HS6ST3: variants seen among roughly 807,000 people sequenced by gnomAD.
HS6ST3 encodes heparan-sulfate 6-O-sulfotransferase 3.
Under a neutral mutation model 36.7 loss-of-function variants are expected in HS6ST3, and 12 were observed. The observed-to-expected ratio is 0.33, with a 90% CI of 0.21 to 0.53. The LOEUF is 0.53. Among genes scored for constraint, HS6ST3 ranks in the 20% least tolerant of loss-of-function variants. HS6ST3 has a pLI of 0.95. For synonymous variants in HS6ST3, 240 were observed against 257.5 expected (o/e 0.93, Z 0.65); for missense variants, 584 against 640.9 (o/e 0.91, Z 0.96).
At chr13:96,506,490 G>T (rs938051098) in intron 1 of HS6ST3, among the ~76,000 whole-genome samples, 3 of 152,146 alleles carry the variant, frequency 2.0e-5, no homozygotes, top group African/African-American at 7.2e-5. Flanking sequence ...AGTTGCAGCT[G>T]CCATTAATTC....
At chr13:96,793,599 T>C (rs1877842507) in intron 1 of HS6ST3, among the ~76,000 whole-genome samples, 1 of 152,114 alleles carries the variant, frequency 6.6e-6, no homozygotes, top group Non-Finnish European at 1.5e-5. Context: ...ACGTTATTTC[T>C]CTGCATCCCA....
chr13:96,485,142 T>G (rs2055907772), intron 1 of HS6ST3, among the ~76,000 whole-genome samples: 1 of 152,174 alleles, frequency 6.6e-6, no homozygotes. Context: ...GGATTTTGAT[T>G]GGGATAGCAT....
At chr13:96,335,519 G>C (rs2055096181) in intron 1 of HS6ST3, among the ~76,000 whole-genome samples, 1 of 152,124 alleles carries the variant, frequency 6.6e-6, no homozygotes, top group African/African-American at 2.4e-5. Flanking sequence ...TGGTTATTTG[G>C]TACCTCTGTA....
intron 1 of HS6ST3, among the ~76,000 whole-genome samples, chr13:96,557,094 C>A (rs1376317663): frequency 6.6e-6 from 1 of 152,142 alleles, no homozygotes; most frequent in Non-Finnish European, 1.5e-5. Flanking sequence ...AACAGCCAGT[C>A]CAGCTGTTCA....
chr13:96,458,798 G>T (rs1368225774), intron 1 of HS6ST3, among the ~76,000 whole-genome samples: 1 of 152,028 alleles, frequency 6.6e-6, no homozygotes, highest in Non-Finnish European at 1.5e-5. Context: ...AAATGAAGAG[G>T]TTTGTAAGAA....
intron 1 of HS6ST3, among the ~76,000 whole-genome samples, chr13:96,327,787 C>T (rs1406246407): frequency 3.3e-5 from 5 of 151,692 alleles, no homozygotes; most frequent in African/African-American, 4.8e-5. Flanking sequence ...GCCATTTTCA[C>T]GATATTGATT....
At chr13:96,762,498 T>C (rs1876994926) in intron 1 of HS6ST3, among the ~76,000 whole-genome samples, 1 of 151,996 alleles carries the variant, frequency 6.6e-6, no homozygotes, top group Non-Finnish European at 1.5e-5. Context: ...AAACAAAAAA[T>C]GCTCTAAATA....
intron 1 of HS6ST3, among the ~76,000 whole-genome samples, chr13:96,492,552 C>G (rs1241073041): frequency 6.6e-6 from 1 of 152,204 alleles, no homozygotes; most frequent in Non-Finnish European, 1.5e-5. Context: ...AAATGTAGCC[C>G]CAGTGTCTGC....
At chr13:96,298,863 A>G (rs2054867976) in intron 1 of HS6ST3, among the ~76,000 whole-genome samples, 1 of 152,186 alleles carries the variant, frequency 6.6e-6, no homozygotes, top group Non-Finnish European at 1.5e-5. Context: ...AGTGGAAGAA[A>G]TTTTATATTG....
intron 1 of HS6ST3, among the ~76,000 whole-genome samples, chr13:96,699,811 C>G (rs1313072439): frequency 3.9e-5 from 6 of 152,228 alleles, no homozygotes; most frequent in Non-Finnish European, 8.8e-5. Flanking sequence ...TATTGCGGCA[C>G]TATTCACAAT....
At chr13:96,327,030 G>GT (rs1443164414) in intron 1 of HS6ST3, among the ~76,000 whole-genome samples, 1 of 139,644 alleles carries the variant, frequency 7.2e-6, no homozygotes, top group Non-Finnish European at 1.6e-5. Flanking sequence ...GGGGTTGTTT[G>GT]TTTTTTTCTT....
At chr13:96,752,349 G>A (rs1876721470) in intron 1 of HS6ST3, among the ~76,000 whole-genome samples, 1 of 151,870 alleles carries the variant, frequency 6.6e-6, no homozygotes, top group South Asian at 2.1e-4. Flanking sequence ...CACATTCTCG[G>A]GGTGTGCACA....
chr13:96,832,408 A>T, intron 1 of HS6ST3, 82 bp from the exon 2 acceptor site: 1 of 1,021,014 alleles, frequency 9.8e-7, no homozygotes, highest in Non-Finnish European at 1.4e-6. Flanking sequence ...CCTTGACTCA[A>T]TGCCGATGTA....
In HS6ST3 at chr13:96,759,831, C is replaced by T. The variant is rs780569106; in HGVS notation, c.708-72659C>T. Among the ~76,000 whole-genome samples the T allele has an allele frequency of 1.6e-4, 24 of 151,902 alleles. 1 individual carries two copies. The highest frequency in any genetic ancestry group is 6.3e-3 in the Middle Eastern group (2 of 316). On this transcript the variant is annotated intron_variant, in intron 1 of 1. Coordinates refer to ENST00000376705, the MANE Select transcript of HS6ST3 (RefSeq NM_153456.4). Reference sequence around the variant, plus strand: ...CATTTCTAAGAGCTACTGAGTGTTACCAACCATGGATGTGAAGGGTCTATC... The same window carrying T: ...CATTTCTAAGAGCTACTGAGTGTTATCAACCATGGATGTGAAGGGTCTATC...
At chr13:96,375,695 T>C (rs2055311412) in intron 1 of HS6ST3, among the ~76,000 whole-genome samples, 1 of 152,206 alleles carries the variant, frequency 6.6e-6, no homozygotes, top group Non-Finnish European at 1.5e-5. Context: ...ACCTAAACTC[T>C]AGAAAATTAT....
chr13:96,199,165 CACA>C (rs1033720363), intron 1 of HS6ST3, among the ~76,000 whole-genome samples: 1 of 152,252 alleles, frequency 6.6e-6, no homozygotes, highest in African/African-American at 2.4e-5. Context: ...AGATCCCTCC[CACA>C]ACATGTGAGA....
At chr13:96,168,754 C>G (rs2054172879) in intron 1 of HS6ST3, among the ~76,000 whole-genome samples, 1 of 151,194 alleles carries the variant, frequency 6.6e-6, no homozygotes, top group East Asian at 1.9e-4. Flanking sequence ...GATTCTAATA[C>G]ATGTCTGTTA....
At chr13:96,320,622 A>G (rs1416076211) in intron 1 of HS6ST3, among the ~76,000 whole-genome samples, 1 of 152,194 alleles carries the variant, frequency 6.6e-6, no homozygotes, top group Non-Finnish European at 1.5e-5. Flanking sequence ...AGTTTTCTCT[A>G]CACTGGGGTG....
At chr13:96,231,570 T>C (rs534990530) in intron 1 of HS6ST3, among the ~76,000 whole-genome samples, 1 of 152,132 alleles carries the variant, frequency 6.6e-6, no homozygotes, top group East Asian at 1.9e-4. Context: ...TAACTCACTA[T>C]CATGAGAACA....
Sources: gnomAD v4.1 joint callset for allele counts (sites outside exome capture counted in the v4.1 genomes callset) on GRCh38, gnomAD v4.1.1 for gene constraint, MANE v1.5 for transcripts, NCBI Gene and HGNC (gene_info 2026-07-23, HGNC 2026-07-21) for gene names.